BRCA1: variants seen among roughly 807,000 people sequenced by gnomAD.
BRCA1 encodes BRCA1 DNA repair associated.
BRCA1 carries 140 observed loss-of-function variants against 173.7 expected under a neutral mutation model. That is an observed-to-expected ratio of 0.81 (90% CI 0.70 to 0.93). BRCA1 has a LOEUF of 0.93. BRCA1 is among the 40% of genes least tolerant of loss of function. The probability of loss-of-function intolerance (pLI) is 0.00; values close to 1 mark genes in which losing one functional copy is unlikely to be tolerated. For synonymous variants in BRCA1, 662 were observed against 756.0 expected, an observed-to-expected ratio of 0.88 and a Z score of 2.04; for missense variants, 1,983 against 2,172.5, an observed-to-expected ratio of 0.91 and a Z score of 1.73.
intron 1 of BRCA1, among the ~76,000 whole-genome samples, chr17:43,144,032 A>G (rs2056099530): frequency 6.6e-6 from 1 of 152,100 alleles, no homozygotes; most frequent in Non-Finnish European, 1.5e-5. Flanking sequence ...CATCCTGGCT[A>G]AGATGGTGAA....
At chr17:43,127,116 C>T (rs1318970185), upstream of BRCA1, among the ~76,000 whole-genome samples, 1 of 152,238 alleles carries the variant, frequency 6.6e-6, no homozygotes, top group Non-Finnish European at 1.5e-5. Flanking sequence ...CCCCTGTGAG[C>T]TCCAGCGTGG....
intron 6 of BRCA1, among the ~76,000 whole-genome samples, chr17:43,100,665 TA>T (rs1448573660): frequency 0.26 from 1,550 of 6,058 alleles, 97 homozygotes; most frequent in Non-Finnish European, 0.33. Context: ...AACATATATA[TA>T]TATATATATA....
intron 1 of BRCA1, among the ~76,000 whole-genome samples, chr17:43,156,162 G>A (rs1454976048): frequency 1.3e-5 from 2 of 151,986 alleles, no homozygotes; most frequent in Admixed American, 6.6e-5. Context: ...GCTTGAACCC[G>A]GGAGGCGGAA....
chr17:43,127,210 G>A (rs799909), upstream of BRCA1, among the ~76,000 whole-genome samples: 824 of 152,332 alleles, frequency 5.4e-3, 11 homozygotes, highest in African/African-American at 0.018. Flanking sequence ...GAGTGCAGGC[G>A]CCCGGCACAG....
intron 11 of BRCA1, chr17:43,082,846 T>A (rs1254092007): frequency 2.1e-6 from 1 of 481,244 alleles, no homozygotes; most frequent in Admixed American, 3.6e-5. Context: ...AGTTGGTTAT[T>A]TTCTTTTAAA....
chr17:43,115,874 C>G (rs2055273468), intron 2 of BRCA1, 95 bp from the exon 3 acceptor site: 1 of 1,280,524 alleles, frequency 7.8e-7, no homozygotes, highest in South Asian at 1.3e-5. Flanking sequence ...CAACTTTGAG[C>G]TGTTATGACT....
At chr17:43,155,057 C>G (rs368069869) in intron 1 of BRCA1, among the ~76,000 whole-genome samples, 2 of 152,168 alleles carry the variant, frequency 1.3e-5, no homozygotes, top group Non-Finnish European at 2.9e-5. Context: ...GGTCAAGGTG[C>G]TAAAATGTAA....
At chr17:43,107,879 A>G (rs181654250) in intron 3 of BRCA1, among the ~76,000 whole-genome samples, 9 of 152,312 alleles carry the variant, frequency 5.9e-5, no homozygotes, top group Non-Finnish European at 1.3e-4. Flanking sequence ...AATATTTACT[A>G]TGTCTAGTAC....
chr17:43,055,892 A>G (rs2051435575), intron 19 of BRCA1, among the ~76,000 whole-genome samples: 2 of 152,192 alleles, frequency 1.3e-5, no homozygotes, highest in Admixed American at 1.3e-4. Flanking sequence ...GTGAGCAGAG[A>G]TAGTGGCACT....
At chr17:43,080,874 C>T (rs936073889) in intron 12 of BRCA1, among the ~76,000 whole-genome samples, 6 of 151,478 alleles carry the variant, frequency 4.0e-5, no homozygotes, top group East Asian at 1.9e-4. Flanking sequence ...GTTAACAGTG[C>T]GTCCCTGTCT....
intron 21 of BRCA1, 87 bp downstream of exon 21, chr17:43,049,034 G>A (rs945757244): frequency 1.6e-6 from 2 of 1,279,186 alleles, no homozygotes; most frequent in East Asian, 4.7e-5. Flanking sequence ...CTACAGTAGG[G>A]GCATCCATAG....
At chr17:43,123,349 G>GT (rs149379936) in intron 2 of BRCA1, among the ~76,000 whole-genome samples, 2,707 of 85,030 alleles carry the variant, frequency 0.032, 22 homozygotes, top group Non-Finnish European at 0.038. Flanking sequence ...GATCATCCAT[G>GT]TTTTTTTTTT....
intron 2 of BRCA1, among the ~76,000 whole-genome samples, chr17:43,117,655 C>A (rs1441669687): frequency 6.6e-6 from 1 of 152,126 alleles, no homozygotes. Context: ...AGGAGAATCG[C>A]TTGAACCGGG....
rs774452090 is a variant in BRCA1, at chr17:43,067,659, T to C, written c.5023A>G (p.Thr1675Ala). The C allele has an allele frequency of 1.2e-6, 2 of 1,613,504 alleles. No homozygotes were observed. The highest frequency in any genetic ancestry group is 2.2e-5 in the East Asian group (1 of 44,878). Residue 1675 changes from threonine to alanine, a missense_variant, in exon 16 of 23, where the codon ACT (threonine) becomes GCT (alanine). Thr to Ala is a moderately conservative substitution (Grantham distance 58, BLOSUM62 0). Transcript: ENST00000357654. Reference protein sequence around the residue: ...VYKFARKHHITLTNLITEETT... With the variant: ...VYKFARKHHIALTNLITEETT... ...TCTTCAGTAATTAGATTAGTTAAAG[T>C]GATGTGGTGTTTTCTGGCAAACTTG...
intron 2 of BRCA1, among the ~76,000 whole-genome samples, chr17:43,117,299 G>A (rs1329747835): frequency 2.6e-5 from 4 of 152,066 alleles, no homozygotes; most frequent in Non-Finnish European, 5.9e-5. Context: ...AAAATTAGCC[G>A]GGCGTGGTGG....
At chr17:43,049,574 G>T (rs1223667379) in intron 20 of BRCA1, among the ~76,000 whole-genome samples, 2 of 152,064 alleles carry the variant, frequency 1.3e-5, no homozygotes, top group Non-Finnish European at 2.9e-5. Flanking sequence ...TCCTAATTCT[G>T]TGTTGGTAAC....
intron 19 of BRCA1, among the ~76,000 whole-genome samples, chr17:43,052,692 C>T (rs765634136): frequency 2.0e-5 from 3 of 149,880 alleles, no homozygotes; most frequent in African/African-American, 4.9e-5. Flanking sequence ...AAAGAGACTG[C>T]GATAGAGAAA....
At position 43,063,971 on chromosome 17, in the gene BRCA1, C is replaced by T. The variant is rs2153610878; in HGVS notation, c.5075-20G>A. On this transcript the variant is annotated intron_variant, in intron 16 of 22. Transcript: ENST00000357654. The stretch of plus-strand genomic sequence containing the variant: ...CAGCATCTGCAGAATGAAAAACACT[C>T]AAAGGATTAGAAGTTGAAAACAAAA... 2 of 1,611,698 alleles carry T rather than the reference C, an allele frequency of 1.2e-6. No homozygotes were observed. The highest frequency in any genetic ancestry group is 2.2e-5 in the South Asian group (2 of 90,974).
chr17:43,079,550 CT>C, intron 12 of BRCA1: 1 of 949,136 alleles, frequency 1.1e-6, no homozygotes, highest in Non-Finnish European at 1.7e-6. Context: ...GGGCAAGATT[CT>C]TGCCAAGAGA....
Sources: gnomAD v4.1 joint callset for allele counts (sites outside exome capture counted in the v4.1 genomes callset) on GRCh38, gnomAD v4.1.1 for gene constraint, MANE v1.5 for transcripts, NCBI Gene and HGNC (gene_info 2026-07-23, HGNC 2026-07-21) for gene names.